The following THSD7B variants were observed in gnomAD, a reference collection of about 807,000 sequenced individuals.
THSD7B encodes thrombospondin type-1 domain-containing protein 7B.
A neutral mutation model predicts 213.6 loss-of-function variants in THSD7B; 138 were observed. That is an observed-to-expected ratio of 0.65 (90% CI 0.56 to 0.74). The LOEUF is 0.74. THSD7B is among the 30% of genes least tolerant of loss of function. The pLI, the probability that THSD7B is intolerant of heterozygous loss-of-function variation, is 0.00. For synonymous variants in THSD7B, 742 were observed against 687.0 expected (o/e 1.08, Z -1.25); for missense variants, 1,931 against 1,991.5 (o/e 0.97, Z 0.58).
At chr2:136,901,844 C>T (rs1394654524) in intron 2 of THSD7B, among the ~76,000 whole-genome samples, 2 of 152,160 alleles carry the variant, frequency 1.3e-5, no homozygotes, top group Non-Finnish European at 2.9e-5. Context: ...TAGGCTTCAC[C>T]GTCTCTTATT....
intron 2 of THSD7B, among the ~76,000 whole-genome samples, chr2:136,925,568 G>A (rs114069302): frequency 0.028 from 4,236 of 152,130 alleles, 83 homozygotes; most frequent in Non-Finnish European, 0.042. Context: ...GTTGAATTTG[G>A]TTTACTAATA....
intron 17 of THSD7B, among the ~76,000 whole-genome samples, chr2:137,596,885 A>G (rs751777008): frequency 3.2e-4 from 49 of 152,070 alleles, no homozygotes; most frequent in Admixed American, 9.2e-4. Flanking sequence ...AAATGACATA[A>G]TGAGACAAGA....
intron 20 of THSD7B, among the ~76,000 whole-genome samples, chr2:137,633,497 G>T (rs1241504436): frequency 6.6e-6 from 1 of 152,174 alleles, no homozygotes; most frequent in Non-Finnish European, 1.5e-5. Flanking sequence ...CTAGAGCGTA[G>T]TATCTGATAC....
At chr2:137,172,826 T>C (rs920573532) in intron 7 of THSD7B, among the ~76,000 whole-genome samples, 5 of 152,092 alleles carry the variant, frequency 3.3e-5, no homozygotes, top group African/African-American at 1.2e-4. Flanking sequence ...TAACTCCAAA[T>C]AGATAGTGTT....
intron 17 of THSD7B, among the ~76,000 whole-genome samples, chr2:137,588,559 A>G (rs1029232698): frequency 6.7e-6 from 1 of 148,618 alleles, no homozygotes; most frequent in Admixed American, 6.7e-5. Flanking sequence ...TTTAGCATTT[A>G]TATTTCACAC....
chr2:137,291,263 C>T (rs1031232764), intron 12 of THSD7B, among the ~76,000 whole-genome samples: 3 of 152,068 alleles, frequency 2.0e-5, no homozygotes, highest in Non-Finnish European at 2.9e-5. Context: ...TTCCATTCTC[C>T]CAGTTGTAAT....
intron 17 of THSD7B, among the ~76,000 whole-genome samples, chr2:137,602,471 T>C (rs915154714): frequency 6.6e-6 from 1 of 152,082 alleles, no homozygotes; most frequent in Non-Finnish European, 1.5e-5. Flanking sequence ...GGTTTCACCA[T>C]GCTGGCCAGG....
intron 12 of THSD7B, among the ~76,000 whole-genome samples, chr2:137,391,702 C>A (rs1032498980): frequency 1.1e-4 from 17 of 149,798 alleles, no homozygotes; most frequent in Middle Eastern, 3.5e-3. Flanking sequence ...AAAAAAAAAA[C>A]CAACTTCTTT....
intron 1 of THSD7B, among the ~76,000 whole-genome samples, chr2:136,794,268 T>C (rs1011504943): frequency 2.0e-5 from 3 of 151,762 alleles, no homozygotes; most frequent in Admixed American, 6.6e-5. Context: ...TTCAAATTTT[T>C]TTTATTTTTC....
intron 1 of THSD7B, among the ~76,000 whole-genome samples, chr2:136,872,971 C>T (rs1350958999): frequency 7.7e-6 from 1 of 129,148 alleles, no homozygotes; most frequent in Non-Finnish European, 1.5e-5. Context: ...TGCAGTGAGC[C>T]GAGATCGCGC....
At chr2:136,991,267 T>A (rs1685778599) in intron 2 of THSD7B, among the ~76,000 whole-genome samples, 1 of 152,102 alleles carries the variant, frequency 6.6e-6, no homozygotes. Context: ...AGAGAACGCA[T>A]GCAAAATGAT....
At chr2:136,811,071 A>G (rs1246629655) in intron 1 of THSD7B, among the ~76,000 whole-genome samples, 1 of 152,150 alleles carries the variant, frequency 6.6e-6, no homozygotes, top group Non-Finnish European at 1.5e-5. Flanking sequence ...AGAGTCCTGG[A>G]AAGTCTCATT....
intron 17 of THSD7B, among the ~76,000 whole-genome samples, chr2:137,611,002 T>TAAAA (rs1558859067): frequency 1.1e-4 from 16 of 144,288 alleles, no homozygotes; most frequent in African/African-American, 3.9e-4. Flanking sequence ...ATAATAATAA[T>TAAAA]AATAAATAAA....
chr2:136,953,077 T>C (rs1021388857), intron 2 of THSD7B, among the ~76,000 whole-genome samples: 1 of 152,154 alleles, frequency 6.6e-6, no homozygotes, highest in African/African-American at 2.4e-5. Flanking sequence ...GGCAAGATAT[T>C]TTATTTGTTA....
intron 12 of THSD7B, among the ~76,000 whole-genome samples, chr2:137,331,617 GC>G (rs1286279714): frequency 2.6e-5 from 4 of 152,216 alleles, no homozygotes; most frequent in African/African-American, 9.6e-5. Context: ...ACACTCCTCA[GC>G]CCTTGGGTGG....
rs550402960 is a variant in THSD7B, at chr2:137,208,405, G to A, written c.1724-22639G>A. ...TTTCTTCAGACCCACAGTAAAATTTGTTTAATCCTAAACGGGTCCTGTTAA... is the reference window on the plus strand; with the variant it reads ...TTTCTTCAGACCCACAGTAAAATTTATTTAATCCTAAACGGGTCCTGTTAA... On this transcript the variant is annotated intron_variant, in intron 7 of 27. Transcript: ENST00000409968. Among the ~76,000 whole-genome samples the A allele has an allele frequency of 2.0e-5, 3 of 150,226 alleles. No homozygotes were observed. The East Asian group carries it at 5.9e-4, about 30-fold the overall frequency.
intron 5 of THSD7B, among the ~76,000 whole-genome samples, chr2:137,148,398 G>C (rs1229424768): frequency 1.3e-5 from 2 of 152,082 alleles, no homozygotes; most frequent in Admixed American, 1.3e-4. Context: ...CAGAGAGTGG[G>C]GCACTGCTGT....
chr2:137,081,218 G>GT (rs1223326451), intron 3 of THSD7B, among the ~76,000 whole-genome samples: 1 of 152,012 alleles, frequency 6.6e-6, no homozygotes, highest in Non-Finnish European at 1.5e-5. Context: ...ATAGTAGTTC[G>GT]TTTCAATGTA....
At chr2:137,615,748 A>C (rs980226039) in intron 17 of THSD7B, among the ~76,000 whole-genome samples, 1 of 152,100 alleles carries the variant, frequency 6.6e-6, no homozygotes, top group African/African-American at 2.4e-5. Flanking sequence ...TGATTTTCTC[A>C]TGAAAATTTT....
Sources: allele counts gnomAD v4.1 joint callset (sites outside exome capture counted in the v4.1 genomes callset), GRCh38; gene constraint gnomAD v4.1.1; transcripts MANE v1.5; gene names NCBI Gene and HGNC (gene_info 2026-07-23, HGNC 2026-07-21).